CACUL1: variants seen among roughly 807,000 people sequenced by gnomAD.
CACUL1 encodes CDK2 associated cullin domain 1, also known as CDK2-associated and cullin domain-containing protein 1.
A neutral mutation model predicts 45.2 loss-of-function variants in CACUL1; 13 were observed. The ratio of observed to expected loss-of-function variants is 0.29; its 90% CI spans 0.19 to 0.46. The LOEUF (loss-of-function observed/expected upper bound fraction) is 0.46. Ranked by LOEUF, CACUL1 falls within the 20% of genes least tolerant of loss-of-function variation. The pLI is 1.00. For missense variants in CACUL1, 421 were observed against 471.4 expected (o/e 0.89, Z 0.99); for synonymous variants, 197 against 174.2 (o/e 1.13, Z -1.03).
intron 4 of CACUL1, among the ~76,000 whole-genome samples, chr10:118,704,215 A>G (rs1378323889): frequency 7.3e-6 from 1 of 137,286 alleles, no homozygotes; most frequent in Admixed American, 7.2e-5. Flanking sequence ...ATCGCTACTG[A>G]AAAAAAAAAA....
intron 3 of CACUL1, among the ~76,000 whole-genome samples, chr10:118,721,076 A>G (rs576763824): frequency 6.6e-6 from 1 of 152,380 alleles, no homozygotes; most frequent in South Asian, 2.1e-4. Context: ...AGCAAGAAAT[A>G]AACAGAGTAT....
intron 3 of CACUL1, among the ~76,000 whole-genome samples, chr10:118,710,483 G>A (rs767474898): frequency 1.1e-4 from 17 of 152,156 alleles, no homozygotes; most frequent in Non-Finnish European, 2.5e-4. Context: ...GCAAAGAACA[G>A]GACTGACAAT....
Position 118,689,982 on chromosome 10 carries a change from A to C in CACUL1, c.1025+1283T>G, listed in dbSNP as rs576622178. 7.1e-4 allele frequency among the ~76,000 whole-genome samples: 108 copies of C among 152,324 alleles called. 1 individual carries two copies. The highest frequency in any genetic ancestry group is 1.1e-3 in the Non-Finnish European group (74 of 68,022). Reference sequence around the variant, plus strand: ...TGGTAAGCCTAGAAAAAAACCTATAACATCATACTCAGATTATTTTGCATT... The same window carrying C: ...TGGTAAGCCTAGAAAAAAACCTATACCATCATACTCAGATTATTTTGCATT... On this transcript the variant is annotated intron_variant, in intron 7 of 8. Transcript: ENST00000369151.
intron 4 of CACUL1, 44 bp downstream of exon 4, chr10:118,707,448 A>C: frequency 2.2e-6 from 2 of 910,090 alleles, no homozygotes; most frequent in South Asian, 2.7e-5. Context: ...TGCTCTCAAC[A>C]ATACACCTAG....
intron 5 of CACUL1, among the ~76,000 whole-genome samples, chr10:118,698,395 C>T (rs1315510481): frequency 3.3e-5 from 5 of 152,120 alleles, no homozygotes; most frequent in South Asian, 2.1e-4. Flanking sequence ...CCGCCTGCCT[C>T]GGCCTCCCAA....
intron 6 of CACUL1, among the ~76,000 whole-genome samples, chr10:118,694,398 A>G (rs1049693772): frequency 6.6e-6 from 1 of 152,218 alleles, no homozygotes; most frequent in African/African-American, 2.4e-5. Flanking sequence ...TTAATCCTCA[A>G]ACAACAAAAG....
chr10:118,699,269 C>G (rs770925906), intron 5 of CACUL1, among the ~76,000 whole-genome samples: 1 of 152,146 alleles, frequency 6.6e-6, no homozygotes, highest in African/African-American at 2.4e-5. Context: ...CTGATAAACT[C>G]AGTTTTTTCC....
chr10:118,687,293 T>A (rs1288926553), intron 7 of CACUL1, among the ~76,000 whole-genome samples: 2 of 152,210 alleles, frequency 1.3e-5, no homozygotes, highest in African/African-American at 4.8e-5. Context: ...ACGCTTCAGA[T>A]CTACAGGTCC....
intron 5 of CACUL1, among the ~76,000 whole-genome samples, chr10:118,700,089 A>G (rs1845364058): frequency 6.6e-6 from 1 of 152,164 alleles, no homozygotes; most frequent in South Asian, 2.1e-4. Context: ...CCCATGCTTG[A>G]TAATTCCTTC....
In CACUL1 at chr10:118,679,319, C is replaced by CCACCCAAG. The variant is rs1736872493; in HGVS notation, c.*6801_*6808dup. The stretch of plus-strand genomic sequence containing the variant: ...CTGGGTTCAAGTTCTTGTGCCTGAG[C>CCACCCAAG]CACCCAAGCAGCTGGGATTACAGGT... On this transcript the variant is annotated 3_prime_UTR_variant, in exon 9 of 9. Transcript: ENST00000369151. 2 of 152,188 alleles carry CCACCCAAG rather than the reference C, an allele frequency of 1.3e-5. No individual in the cohort carries two copies. Among genetic ancestry groups the CCACCCAAG allele is most frequent in the Non-Finnish European group, 2.9e-5 (2 of 68,040 alleles). 9.4% of individuals were successfully genotyped at this position (152,188 alleles called of 1,614,324 possible).
chr10:118,686,252 TCTCACTCCTCTCCC>T (rs1295789756), intron 8 of CACUL1, 84 bp from the exon 9 acceptor site: 1 of 1,125,572 alleles, frequency 8.9e-7, no homozygotes, highest in African/African-American at 1.5e-5. Context: ...AACACACATT[TCTCACTCCTCTCCC>T]AACTCCCCAA....
intron 4 of CACUL1, among the ~76,000 whole-genome samples, chr10:118,701,892 C>T (rs1397445501): frequency 2.0e-5 from 3 of 152,128 alleles, no homozygotes; most frequent in Admixed American, 1.3e-4. Context: ...GAAGTAGACA[C>T]TCAAGGCAGC....
intron 3 of CACUL1, among the ~76,000 whole-genome samples, chr10:118,718,324 G>A (rs1479994310): frequency 1.3e-5 from 2 of 152,144 alleles, no homozygotes; most frequent in African/African-American, 2.4e-5. Flanking sequence ...CAGGGTGTGT[G>A]GGGGGCAGGA....
At position 118,681,221 on chromosome 10, in the gene CACUL1, T is replaced by G. The variant is rs1045891; in HGVS notation, c.*4907A>C. On this transcript the variant is annotated 3_prime_UTR_variant, in exon 9 of 9. Transcript: ENST00000369151. Reference sequence around the variant, plus strand: ...ATGGCTTCTGACATACAAGCACCACTAGGAACAAGACTTCATTGCTTCATC... The same window carrying G: ...ATGGCTTCTGACATACAAGCACCACGAGGAACAAGACTTCATTGCTTCATC... 1 of 152,260 alleles carries G rather than the reference T, an allele frequency of 6.6e-6. No individual in the cohort carries two copies. The highest frequency in any genetic ancestry group is 1.5e-5 in the Non-Finnish European group (1 of 68,060). 9.4% of individuals were successfully genotyped at this position (152,260 alleles called of 1,614,324 possible).
chr10:118,746,193 C>T (rs900674233), intron 1 of CACUL1, among the ~76,000 whole-genome samples: 3 of 144,994 alleles, frequency 2.1e-5, no homozygotes, highest in Non-Finnish European at 3.0e-5. Context: ...GGAATATTAA[C>T]AAGGATAAAG....
At chr10:118,730,162 A>T (rs1845684928) in intron 2 of CACUL1, 122 bp downstream of exon 2, 1 of 1,113,492 alleles carries the variant, frequency 9.0e-7, no homozygotes, top group South Asian at 1.5e-5. Context: ...TGTGGAATAC[A>T]TAAAACACTT....
intron 5 of CACUL1, among the ~76,000 whole-genome samples, chr10:118,698,043 T>C (rs1589604073): frequency 6.6e-6 from 1 of 152,214 alleles, no homozygotes; most frequent in East Asian, 1.9e-4. Flanking sequence ...ATGAATAATA[T>C]GGGGCAATCA....
intron 5 of CACUL1, among the ~76,000 whole-genome samples, chr10:118,696,282 G>A (rs1041046311): frequency 6.6e-6 from 1 of 151,924 alleles, no homozygotes; most frequent in Non-Finnish European, 1.5e-5. Flanking sequence ...AACTGTCTTG[G>A]GCCACACATA....
intron 3 of CACUL1, among the ~76,000 whole-genome samples, chr10:118,711,567 G>GA (rs1016248785): frequency 1.1e-4 from 16 of 151,836 alleles, no homozygotes; most frequent in African/African-American, 2.7e-4. Flanking sequence ...AGTATTACGT[G>GA]AAAAAAAATC....
Sources: allele counts gnomAD v4.1 joint callset (sites outside exome capture counted in the v4.1 genomes callset), GRCh38; gene constraint gnomAD v4.1.1; transcripts MANE v1.5; gene names NCBI Gene and HGNC (gene_info 2026-07-23, HGNC 2026-07-21).